KIF9: variants seen among roughly 807,000 people sequenced by gnomAD.
KIF9 encodes the protein kinesin family member 9, also known as kinesin-like protein KIF9.
In KIF9, 68 loss-of-function variants were observed where a neutral mutation model predicts 94.8. The ratio of observed to expected loss-of-function variants is 0.72; its 90% confidence interval spans 0.59 to 0.88. KIF9 has a LOEUF of 0.88. Among genes scored for constraint, KIF9 ranks in the 40% least tolerant of loss-of-function variants. The pLI is 0.00. For synonymous variants in KIF9, 343 were observed against 362.1 expected (o/e 0.95, Z 0.60); for missense variants, 882 against 982.5 (o/e 0.90, Z 1.37).
intron 15 of KIF9, chr3:47,243,536 A>G: frequency 4.1e-6 from 1 of 245,914 alleles, no homozygotes; most frequent in Non-Finnish European, 7.9e-6. Context: ...AAGTGTATGG[A>G]CCTGTAGGAT....
chr3:47,274,675 C>T (rs1207815613), intron 3 of KIF9, among the ~76,000 whole-genome samples: 1 of 152,256 alleles, frequency 6.6e-6, no homozygotes, highest in African/African-American at 2.4e-5. Flanking sequence ...GACTATTCAT[C>T]TCCCTGGGCC....
chr3:47,280,036 C>A (rs1702231911), intron 1 of KIF9, among the ~76,000 whole-genome samples: 3 of 152,136 alleles, frequency 2.0e-5, no homozygotes, highest in Non-Finnish European at 4.4e-5. Context: ...CTCACTGCAG[C>A]CTGTCTCCCA....
At chr3:47,239,217 T>A (rs1429871600) in intron 17 of KIF9, among the ~76,000 whole-genome samples, 2 of 152,000 alleles carry the variant, frequency 1.3e-5, no homozygotes, top group Admixed American at 6.6e-5. Flanking sequence ...GAAAAAAAAA[T>A]TTAATGTCTT....
At chr3:47,254,355 G>T (rs559667841) in intron 10 of KIF9, among the ~76,000 whole-genome samples, 1 of 152,342 alleles carries the variant, frequency 6.6e-6, no homozygotes, top group African/African-American at 2.4e-5. Context: ...CTACTTGGGA[G>T]GCTGAGGCAA....
chr3:47,236,983 T>C (rs2107091533), intron 17 of KIF9, among the ~76,000 whole-genome samples: 1 of 152,372 alleles, frequency 6.6e-6, no homozygotes, highest in Middle Eastern at 3.4e-3. Context: ...GTAAATTACA[T>C]CTACAAACTG....
chr3:47,242,952 CTTATT>C, intron 16 of KIF9, 94 bp downstream of exon 16: 1 of 1,015,212 alleles, frequency 9.9e-7, no homozygotes, highest in South Asian at 1.9e-5. Flanking sequence ...CCTATTATTT[CTTATT>C]TTATTTCTCT....
At chr3:47,251,871 G>A (rs1398861238) in intron 10 of KIF9, among the ~76,000 whole-genome samples, 4 of 152,046 alleles carry the variant, frequency 2.6e-5, no homozygotes, top group South Asian at 2.1e-4. Context: ...CAGAATCACC[G>A]ACTGGCAGAG....
chr3:47,236,556 A>G lies in KIF9; in HGVS notation c.1988T>C (p.Leu663Pro), dbSNP rs770571990. The stretch of plus-strand genomic sequence containing the variant: ...GCGGTACTGCTTCTTGAGGTCTTTG[A>G]GCTTGAGGATCAGCAGGAATTCTTC... ...DEEEFLLILK[L>P]KDLKKQYRSE... Residue 663 changes from leucine to proline, a missense_variant, in exon 18 of 21, where the codon CTC (leucine) becomes CCC (proline). By Grantham distance (98) the Leu-to-Pro change is moderately conservative. Coordinates refer to ENST00000684063, the MANE Select transcript of KIF9 (RefSeq NM_182902.4). 11 of 1,614,096 alleles carry G rather than the reference A, an allele frequency of 6.8e-6. No homozygotes were observed. The highest frequency in any genetic ancestry group is 9.3e-6 in the Non-Finnish European group (11 of 1,180,038).
chr3:47,260,065 A>T (rs1478384345), intron 9 of KIF9, among the ~76,000 whole-genome samples: 1 of 121,260 alleles, frequency 8.2e-6, no homozygotes, highest in Non-Finnish European at 1.7e-5. Flanking sequence ...ATGTCTCGGT[A>T]TAAAACCCGA....
rs144410264 is a variant in KIF9, at chr3:47,235,594, G to C, written c.2241C>G (p.Phe747Leu). 11 of 1,613,964 alleles carry C rather than the reference G, an allele frequency of 6.8e-6. No individual in the cohort carries two copies. In the African/African-American group the frequency reaches 1.1e-4, roughly 16 times the overall value. ...GAAGCACCCTCTGCTGCAGCTGGCTGAATTTGTCCTGGTCATCTTCTCCCT... is the reference window on the plus strand; with the variant it reads ...GAAGCACCCTCTGCTGCAGCTGGCTCAATTTGTCCTGGTCATCTTCTCCCT... ...VSLGEDDQDK[F>L]SQLQQRVLPE... The change falls in exon 20 of 21, where the codon TTC (phenylalanine) becomes TTG (leucine). Residue 747 changes from phenylalanine (F) to leucine (L), a missense_variant. Coordinates refer to ENST00000684063, the MANE Select transcript of KIF9 (RefSeq NM_182902.4).
intron 2 of KIF9, 28 bp downstream of exon 2, chr3:47,277,254 C>A: frequency 6.5e-7 from 1 of 1,536,072 alleles, no homozygotes; most frequent in South Asian, 1.1e-5. Context: ...GAGGCCCAGT[C>A]AGTTGAAGGC....
At chr3:47,282,237 T>G in intron 1 of KIF9, 6 of 985,532 alleles carry the variant, frequency 6.1e-6, no homozygotes, top group Non-Finnish European at 7.2e-6. Flanking sequence ...GCTCCCTGCC[T>G]CACGGCCTCT....
chr3:47,230,849 C>G (rs1698516108), intron 20 of KIF9, among the ~76,000 whole-genome samples: 2 of 151,976 alleles, frequency 1.3e-5, no homozygotes, highest in African/African-American at 4.8e-5. Context: ...ACCAGGCTGG[C>G]CAACACGGTG....
chr3:47,260,305 G>A (rs1029185547), intron 9 of KIF9, among the ~76,000 whole-genome samples: 9 of 149,910 alleles, frequency 6.0e-5, no homozygotes, highest in East Asian at 2.0e-4. Flanking sequence ...CCCCCTCTTC[G>A]AGAAACACCC....
rs768234739 is a variant in KIF9 at position 47,271,435 on chromosome 3, G to A, written c.393C>T (p.Pro131=). Residue 131 remains proline, a synonymous_variant, in exon 5 of 21, where the codon CCC becomes CCT. Coordinates refer to ENST00000684063, the MANE Select transcript of KIF9 (RefSeq NM_182902.4). ...QQVFRMIEER[P]THAITVRVSY... ...AAACACGCACAGTGATGGCATGTGT[G>A]GGGCGTTCTTCGATCATCCTAAAAA... The A allele has an allele frequency of 6.2e-7, 1 of 1,614,042 alleles. No individual in the cohort carries two copies. Among genetic ancestry groups the A allele is most frequent in the Non-Finnish European group, 8.5e-7 (1 of 1,179,994 alleles).
intron 9 of KIF9, among the ~76,000 whole-genome samples, chr3:47,261,764 G>C (rs986908633): frequency 2.0e-5 from 3 of 152,164 alleles, no homozygotes; most frequent in Non-Finnish European, 4.4e-5. Flanking sequence ...GTACAGAGCT[G>C]GCTCACAGCG....
intron 1 of KIF9, 182 bp downstream of exon 1, chr3:47,282,313 C>T (rs1576115341): frequency 3.0e-6 from 3 of 985,828 alleles, no homozygotes; most frequent in East Asian, 2.3e-4. Flanking sequence ...AGACCGTAAG[C>T]CGCGGTCAGG....
chr3:47,274,527 T>C (rs1701841569), intron 3 of KIF9, among the ~76,000 whole-genome samples: 1 of 152,184 alleles, frequency 6.6e-6, no homozygotes, highest in Non-Finnish European at 1.5e-5. Context: ...TGGTGGCAGG[T>C]TTTACACAAG....
At chr3:47,246,772 G>C (rs901107551) in intron 12 of KIF9, among the ~76,000 whole-genome samples, 2 of 152,046 alleles carry the variant, frequency 1.3e-5, no homozygotes, top group Non-Finnish European at 2.9e-5. Flanking sequence ...GTGAAGGCCA[G>C]AAGAGTCCAT....
Sources: gnomAD v4.1 joint callset for allele counts (sites outside exome capture counted in the v4.1 genomes callset) on GRCh38, gnomAD v4.1.1 for gene constraint, MANE v1.5 for transcripts, NCBI Gene and HGNC (gene_info 2026-07-23, HGNC 2026-07-21) for gene names.